PABPC4L: variants seen among roughly 807,000 people sequenced by gnomAD.
PABPC4L encodes poly(A) binding protein cytoplasmic 4 like.
For synonymous variants in PABPC4L, 169 were observed against 164.1 expected, an observed-to-expected ratio of 1.03 and a Z score of -0.23; for missense variants, 452 against 451.4, an observed-to-expected ratio of 1.00 and a Z score of -0.01.
At chr4:133,980,675 T>C in the PABPC4L span, among the ~76,000 whole-genome samples, 3 of 152,164 alleles carry the variant, frequency 2.0e-5, no homozygotes, top group Admixed American at 6.5e-5. Context: ...TATTTCTTCC[T>C]TGAGGTTAAT....
the PABPC4L span, among the ~76,000 whole-genome samples, chr4:134,045,694 T>G: frequency 1.3e-5 from 2 of 152,094 alleles, no homozygotes; most frequent in Non-Finnish European, 2.9e-5. Flanking sequence ...ATCCTGCAAT[T>G]TTGCCGGTGC....
At chr4:134,065,236 T>C in the PABPC4L span, among the ~76,000 whole-genome samples, 1 of 152,126 alleles carries the variant, frequency 6.6e-6, no homozygotes, top group Non-Finnish European at 1.5e-5. Flanking sequence ...TTCCCTTTTC[T>C]CTACAACCTC....
At chr4:134,187,905 C>G in the PABPC4L span, among the ~76,000 whole-genome samples, 1 of 151,982 alleles carries the variant, frequency 6.6e-6, no homozygotes, top group Non-Finnish European at 1.5e-5. Flanking sequence ...CTGTAGACTA[C>G]TGATGATTAA....
At chr4:133,968,086 T>C in the PABPC4L span, among the ~76,000 whole-genome samples, 2 of 152,016 alleles carry the variant, frequency 1.3e-5, no homozygotes, top group Admixed American at 6.6e-5. Flanking sequence ...AATTATAGAG[T>C]CTTCGCCATT....
At chr4:134,124,419 C>T in the PABPC4L span, among the ~76,000 whole-genome samples, 1 of 152,044 alleles carries the variant, frequency 6.6e-6, no homozygotes, top group East Asian at 1.9e-4. Flanking sequence ...TTTACTAGTA[C>T]CAATTAAATT....
At chr4:134,127,747 T>C in the PABPC4L span, among the ~76,000 whole-genome samples, 126 of 152,198 alleles carry the variant, frequency 8.3e-4, 1 homozygote, top group African/African-American at 2.6e-3. Flanking sequence ...CAAGGTTCTT[T>C]AATACCCCCA....
chr4:134,109,013 A>T, the PABPC4L span, among the ~76,000 whole-genome samples: 1 of 152,066 alleles, frequency 6.6e-6, no homozygotes, highest in East Asian at 1.9e-4. Flanking sequence ...ATGCCAGGTG[A>T]ACAGTTCAAC....
the PABPC4L span, among the ~76,000 whole-genome samples, chr4:133,970,276 G>C: frequency 6.6e-6 from 1 of 151,814 alleles, no homozygotes; most frequent in African/African-American, 2.4e-5. Context: ...TAGTGTTGTT[G>C]CATTTTCATC....
chr4:134,050,634 G>A, the PABPC4L span, among the ~76,000 whole-genome samples: 1 of 149,250 alleles, frequency 6.7e-6, no homozygotes, highest in Non-Finnish European at 1.5e-5. Context: ...GAATCTGGGA[G>A]GCAGGGGTTG....
the PABPC4L span, among the ~76,000 whole-genome samples, chr4:133,996,638 C>T: frequency 6.4e-3 from 969 of 152,258 alleles, 10 homozygotes; most frequent in African/African-American, 0.022. Context: ...ATTCCTCACA[C>T]AGGGCACCAC....
chr4:133,975,859 A>G, the PABPC4L span, among the ~76,000 whole-genome samples: 2 of 152,222 alleles, frequency 1.3e-5, no homozygotes, highest in African/African-American at 4.8e-5. Context: ...ATATAAAAAT[A>G]TAAGAGCATT....
chr4:134,027,653 A>G, the PABPC4L span, among the ~76,000 whole-genome samples: 30 of 152,220 alleles, frequency 2.0e-4, 1 homozygote, highest in South Asian at 2.3e-3. Context: ...AGAAATCTGC[A>G]TATTGTTTTC....
the PABPC4L span, among the ~76,000 whole-genome samples, chr4:134,011,676 C>G: frequency 2.0e-5 from 3 of 151,846 alleles, no homozygotes; most frequent in African/African-American, 7.3e-5. Context: ...TAAATAACGC[C>G]AAACTTTTTG....
the PABPC4L span, among the ~76,000 whole-genome samples, chr4:133,954,846 C>T: frequency 1.7e-4 from 26 of 151,924 alleles, no homozygotes; most frequent in Non-Finnish European, 2.6e-4. Context: ...ACATAGTGAA[C>T]GAGCTGGTTA....
chr4:134,091,982 T>G, the PABPC4L span, among the ~76,000 whole-genome samples: 1 of 152,182 alleles, frequency 6.6e-6, no homozygotes, highest in African/African-American at 2.4e-5. Context: ...TTTAGGAGCT[T>G]TAATAATATA....
At chr4:134,152,311 G>C in the PABPC4L span, among the ~76,000 whole-genome samples, 3 of 152,060 alleles carry the variant, frequency 2.0e-5, no homozygotes, top group Non-Finnish European at 4.4e-5. Context: ...AAGTATGTTA[G>C]GAAAGTATAT....
At chr4:133,956,604 T>C in the PABPC4L span, among the ~76,000 whole-genome samples, 1 of 152,172 alleles carries the variant, frequency 6.6e-6, no homozygotes. Context: ...GTGTCTACTA[T>C]GCACTGGGAG....
chr4:134,026,302 C>CAACA, the PABPC4L span, among the ~76,000 whole-genome samples: 1 of 151,488 alleles, frequency 6.6e-6, no homozygotes, highest in African/African-American at 2.4e-5. Flanking sequence ...GTGGCACAAT[C>CAACA]TCGGCTCGCT....
chr4:133,964,333 T>C, the PABPC4L span, among the ~76,000 whole-genome samples: 16 of 132,830 alleles, frequency 1.2e-4, no homozygotes, highest in Non-Finnish European at 1.5e-4. Context: ...AATTTAAAAA[T>C]TACCAAAAAA....
Sources: allele counts gnomAD v4.1 joint callset (sites outside exome capture counted in the v4.1 genomes callset), GRCh38; gene constraint gnomAD v4.1.1; transcripts MANE v1.5; gene names NCBI Gene and HGNC (gene_info 2026-07-23, HGNC 2026-07-21).